MAGEB6: variants seen among roughly 807,000 people sequenced by gnomAD.
The protein encoded by MAGEB6 is melanoma-associated antigen B6.
For missense variants in MAGEB6, 327 were observed against 329.7 expected (o/e 0.99, Z 0.06); for synonymous variants, 128 against 136.2 (o/e 0.94, Z 0.42).
chrX:26,194,417 A>G lies in MAGEB6; in HGVS notation c.571A>G (p.Ser191Gly), dbSNP rs1929161832. Residue 191 changes from serine to glycine, a missense_variant, in exon 2 of 2, where the codon AGC (serine) becomes GGC (glycine). By Grantham distance (56) the Ser-to-Gly change is moderately conservative (BLOSUM62 0). Transcript: ENST00000379034. ...GAAAGCCATCATTTTTAAGCGCTTAAGCAAAGATGCTGTAAAGAAGAAGGC... is the reference window on the plus strand; with the variant it reads ...GAAAGCCATCATTTTTAAGCGCTTAGGCAAAGATGCTGTAAAGAAGAAGGC... ...SQKAIIFKRL[S>G]KDAVKKKACT... 1 of 1,212,021 alleles carries G rather than the reference A, an allele frequency of 8.3e-7. No individual in the cohort carries two copies. The highest frequency in any genetic ancestry group is 1.1e-6 in the Non-Finnish European group (1 of 895,603).
chrX:26,194,624 G>A lies in MAGEB6; in HGVS notation c.778G>A (p.Glu260Lys). The change falls in exon 2 of 2, where the codon GAG (glutamate) becomes AAG (lysine). Residue 260 changes from glutamate to lysine, a missense_variant. Physicochemically the swap from Glu to Lys is moderately conservative, Grantham distance 56. Coordinates refer to ENST00000379034, the MANE Select transcript of MAGEB6 (RefSeq NM_173523.2). ...ATTGAAAGAAATGGATTCCAGCGGCGAGTCCTACACCCTTGTCAGCAAGCT... is the reference window on the plus strand; with the variant it reads ...ATTGAAAGAAATGGATTCCAGCGGCAAGTCCTACACCCTTGTCAGCAAGCT... ...VELKEMDSSG[E>K]SYTLVSKLGL... 9.9e-6 allele frequency: 12 copies of A among 1,211,421 alleles called. No homozygotes were observed. The highest frequency in any genetic ancestry group is 3.0e-5 in the East Asian group (1 of 33,808).
At chrX:26,193,656 A>G in intron 1 of MAGEB6, 130 bp from the exon 2 acceptor site, 2 of 373,478 alleles carry the variant, frequency 5.4e-6, no homozygotes, top group Non-Finnish European at 9.0e-6. Flanking sequence ...CAAACTGACC[A>G]GGAGAAAAGG....
In MAGEB6 at chrX:26,195,250, G is replaced by GTCTTC; in HGVS notation, c.*181_*182insCTTCT. On this transcript the variant is annotated 3_prime_UTR_variant, in exon 2 of 2. Transcript: ENST00000379034. ...GGAACAAGATATGTATCTTTCTTTTGTTACACATGAGTAACTTGCAGATTT... is the reference window on the plus strand; with the variant it reads ...GGAACAAGATATGTATCTTTCTTTTGTCTTCTTACACATGAGTAACTTGCAGATTT... The GTCTTC allele has an allele frequency of 2.2e-6, 1 of 460,202 alleles. No individual in the cohort carries two copies. 37.9% of individuals were successfully genotyped at this position (460,202 alleles called of 1,213,427 possible). A position where few individuals can be genotyped will look rare whatever the true frequency, so the allele number is the denominator to read the frequency against.
In MAGEB6 at chrX:26,194,455, G is replaced by A. The variant is rs749588986; in HGVS notation, c.609G>A (p.Ala203=). The A allele has an allele frequency of 1.3e-5, 16 of 1,210,548 alleles. No individual in the cohort carries two copies. Among genetic ancestry groups the A allele is most frequent in the Non-Finnish European group, 1.7e-5 (15 of 895,402 alleles). The change falls in exon 2 of 2, where the codon GCG becomes GCA. Residue 203 remains alanine (A), a synonymous_variant. Transcript: ENST00000379034. The part of the protein sequence containing the change: ...DAVKKKACTL[A]QFLQKKFEKK... ...TAAAGAAGAAGGCGTGCACGTTGGC[G>A]CAATTCCTGCAGAAGAAGTTTGAGA...
chrX:26,192,904 C>T (rs1290782782), intron 1 of MAGEB6, among the ~76,000 whole-genome samples: 3 of 111,379 alleles, frequency 2.7e-5, no homozygotes, highest in Middle Eastern at 9.2e-3. Context: ...TCACTTTGTC[C>T]CTGTGAGAGT....
intron 1 of MAGEB6, among the ~76,000 whole-genome samples, chrX:26,192,940 G>A (rs1331224006): frequency 2.7e-5 from 3 of 111,178 alleles, no homozygotes; most frequent in Non-Finnish European, 5.7e-5. Flanking sequence ...CTGGTTGTAA[G>A]GAGATGGCAG....
Position 26,192,487 on chromosome X carries a change from G to A in MAGEB6, c.-102G>A, listed in dbSNP as rs1929122553. 1 of 110,415 alleles carries A rather than the reference G, an allele frequency of 9.1e-6. No individual in the cohort carries two copies. The highest frequency in any genetic ancestry group is 3.3e-5 in the African/African-American group (1 of 30,267). The allele number at this position is 110,415 out of a possible 1,213,427, so 9.1% of individuals were successfully genotyped here. The stretch of plus-strand genomic sequence containing the variant: ...GCCTGAGCCTGAAAAGTGCTGTCAC[G>A]TCAGCGGAAGGAGGCGTCCCAGATC... On this transcript the variant is annotated 5_prime_UTR_variant, in exon 1 of 2. Transcript: ENST00000379034.
In MAGEB6 at chrX:26,193,871, C is replaced by A; in HGVS notation, c.25C>A (p.Leu9Ile). The A allele has an allele frequency of 8.5e-7, 1 of 1,179,249 alleles. No homozygotes were observed. Among genetic ancestry groups the A allele is most frequent in the South Asian group, 1.9e-5 (1 of 51,557 alleles). MPRGHKSK[L>I]RTCEKRQETN... ...CATGCCTCGGGGTCACAAGAGTAAG[C>A]TCCGTACCTGTGAGAAACGCCAAGA... Residue 9 changes from leucine to isoleucine, a missense_variant, in exon 2 of 2, where the codon CTC becomes ATC. Transcript: ENST00000379034.
Position 26,193,957 on chromosome X carries a change from G to T in MAGEB6, c.111G>T (p.Glu37Asp), listed in dbSNP as rs151294955. ...AGGCCACTGCAGAGAAGCAGGAAGA[G>T]TCCCACTCTTCCTCATCCTCTTCTC... is the stretch of plus-strand genomic sequence containing the variant. Reference protein sequence around the residue: ...GPQATAEKQEESHSSSSSSRA... With the variant: ...GPQATAEKQEDSHSSSSSSRA... Residue 37 changes from glutamate (E) to aspartate (D), a missense_variant, in exon 2 of 2, where the codon GAG (glutamate) becomes GAT (aspartate). By Grantham distance (45) the Glu-to-Asp change is conservative. Coordinates refer to ENST00000379034, the MANE Select transcript of MAGEB6 (RefSeq NM_173523.2). 1 of 1,211,418 alleles carries T rather than the reference G, an allele frequency of 8.3e-7. No individual in the cohort carries two copies. The highest frequency in any genetic ancestry group is 3.0e-5 in the East Asian group (1 of 33,810).
In MAGEB6 at chrX:26,195,118, A is replaced by G; in HGVS notation, c.*48A>G. ...TGGCCAGGGTACCTTATGGGGCCAT[A>G]TCCTACAGATCCTCCCATTTCTAGG... is the stretch of plus-strand genomic sequence containing the variant. On this transcript the variant is annotated 3_prime_UTR_variant, in exon 2 of 2. Coordinates refer to ENST00000379034, the MANE Select transcript of MAGEB6 (RefSeq NM_173523.2). 8.7e-7 allele frequency: 1 copy of G among 1,148,255 alleles called. No homozygotes were observed. The highest frequency in any genetic ancestry group is 1.8e-5 in the African/African-American group (1 of 55,984). The allele number at this position is 1,148,255 out of a possible 1,213,427, so 94.6% of individuals were successfully genotyped here. A position where few individuals can be genotyped will look rare whatever the true frequency, so the allele number is the denominator to read the frequency against.
chrX:26,193,548 G>A (rs2146880576), intron 1 of MAGEB6, among the ~76,000 whole-genome samples: 1 of 109,667 alleles, frequency 9.1e-6, no homozygotes, highest in South Asian at 4.1e-4. Context: ...GAACAGAGGG[G>A]CCCCCACTGC....
At chrX:26,192,742 G>A (rs1929127668) in intron 1 of MAGEB6, among the ~76,000 whole-genome samples, 1 of 111,726 alleles carries the variant, frequency 9.0e-6, no homozygotes, top group Non-Finnish European at 1.9e-5. Context: ...ACCCAGGTCA[G>A]TAGAGGGAGA....
At position 26,194,006 on chromosome X, in the gene MAGEB6, A is replaced by G; in HGVS notation, c.160A>G (p.Arg54Gly). The change falls in exon 2 of 2, where the codon AGG becomes GGG. Residue 54 changes from arginine to glycine, a missense_variant. Physicochemically the swap from Arg to Gly is moderately radical, Grantham distance 125 (BLOSUM62 -2). Transcript: ENST00000379034. ...TCGCGCTTGTCTGGGTGATTGTCGT[A>G]GGTCTTCTGATGCCTCCATTCCTCA... is the stretch of plus-strand genomic sequence containing the variant. ...SSRACLGDCR[R>G]SSDASIPQES... The G allele has an allele frequency of 8.3e-7, 1 of 1,211,930 alleles. No homozygotes were observed. The highest frequency in any genetic ancestry group is 1.1e-6 in the Non-Finnish European group (1 of 895,497).
At chrX:26,192,627 G>A (rs1347412569) in intron 1 of MAGEB6, 100 bp downstream of exon 1, 1 of 111,292 alleles carries the variant, frequency 9.0e-6, no homozygotes, top group Non-Finnish European at 1.9e-5. Flanking sequence ...AACCTGCCCC[G>A]ACCTGGTCCC....
At chrX:26,193,462 T>TG (rs1298689540) in intron 1 of MAGEB6, among the ~76,000 whole-genome samples, 7 of 105,804 alleles carry the variant, frequency 6.6e-5, no homozygotes, top group African/African-American at 2.4e-4. Context: ...TTTTTGTCCT[T>TG]GCGATAGTTT....
Position 26,195,334 on chromosome X carries a change from T to G in MAGEB6, c.*264T>G, listed in dbSNP as rs1929182009. The G allele has an allele frequency of 3.1e-6, 1 of 327,014 alleles. No homozygotes were observed. The highest frequency in any genetic ancestry group is 5.5e-6 in the Non-Finnish European group (1 of 182,655). The allele number at this position is 327,014 out of a possible 1,213,427, so 26.9% of individuals were successfully genotyped here. On this transcript the variant is annotated 3_prime_UTR_variant, in exon 2 of 2. Transcript: ENST00000379034. Reference sequence around the variant, plus strand: ...CTGTTAAGTGAAGGTTTATTTTGCTTCAGATTATACAATTATCAATAACAT... The same window carrying G: ...CTGTTAAGTGAAGGTTTATTTTGCTGCAGATTATACAATTATCAATAACAT...
Position 26,195,009 on chromosome X carries a change from C to G in MAGEB6, c.1163C>G (p.Pro388Arg), listed in dbSNP as rs1241312710. The G allele has an allele frequency of 8.3e-7, 1 of 1,209,240 alleles. No individual in the cohort carries two copies. Among genetic ancestry groups the G allele is most frequent in the East Asian group, 3.0e-5 (1 of 33,743 alleles). Reference sequence around the variant, plus strand: ...AGTAACACCAGTCCCGGTTTATACCCACATCTGTATGAAGACGCTTTGATA... The same window carrying G: ...AGTAACACCAGTCCCGGTTTATACCGACATCTGTATGAAGACGCTTTGATA... The part of the protein sequence containing the change: ...DSSNTSPGLY[P>R]HLYEDALIDE... The change falls in exon 2 of 2, where the codon CCA becomes CGA. Residue 388 changes from proline to arginine, a missense_variant. Physicochemically the swap from Pro to Arg is moderately radical, Grantham distance 103. Transcript: ENST00000379034.
chrX:26,195,008 C>T lies in MAGEB6; in HGVS notation c.1162C>T (p.Pro388Ser), dbSNP rs147228278. ...CAGTAACACCAGTCCCGGTTTATAC[C>T]CACATCTGTATGAAGACGCTTTGAT... Reference protein sequence around the residue: ...DSSNTSPGLYPHLYEDALIDE... With the variant: ...DSSNTSPGLYSHLYEDALIDE... Residue 388 changes from proline to serine, a missense_variant, in exon 2 of 2, where the codon CCA (proline) becomes TCA (serine). Pro to Ser is a moderately conservative substitution (Grantham distance 74, BLOSUM62 -1). Transcript: ENST00000379034. 0.011 allele frequency: 12,735 copies of T among 1,209,184 alleles called. 58 individuals carry two copies. Among genetic ancestry groups the T allele is most frequent in the Non-Finnish European group, 0.012 (10,938 of 895,057 alleles).
rs775425014 is a variant in MAGEB6 at position 26,194,536 on chromosome X, G to T, written c.690G>T (p.Lys230Asn). ...DMLKCVRREY[K>N]PYFPQILNRT... ...TGAAGTGTGTCCGCAGAGAGTACAAGCCCTACTTCCCTCAGATCCTCAACA... is the reference window on the plus strand; with the variant it reads ...TGAAGTGTGTCCGCAGAGAGTACAATCCCTACTTCCCTCAGATCCTCAACA... The change falls in exon 2 of 2, where the codon AAG becomes AAT. Residue 230 changes from lysine to asparagine, a missense_variant. Physicochemically the swap from Lys to Asn is moderately conservative, Grantham distance 94. Coordinates refer to ENST00000379034, the MANE Select transcript of MAGEB6 (RefSeq NM_173523.2). 3 of 1,211,496 alleles carry T rather than the reference G, an allele frequency of 2.5e-6. No individual in the cohort carries two copies. The Admixed American group carries it at 6.5e-5, about 26-fold the overall frequency.
Sources: allele counts gnomAD v4.1 joint callset (sites outside exome capture counted in the v4.1 genomes callset), GRCh38; gene constraint gnomAD v4.1.1; transcripts MANE v1.5; gene names NCBI Gene and HGNC (gene_info 2026-07-23, HGNC 2026-07-21).